Variants in TRAF3 observed in about 807,000 individuals in gnomAD.
TRAF3 encodes TNF receptor associated factor 3.
Under a neutral mutation model 62.3 loss-of-function variants are expected in TRAF3, and 13 were observed. The ratio of observed to expected loss-of-function variants is 0.21; its 90% CI spans 0.14 to 0.33. TRAF3 has a LOEUF of 0.33. Among genes scored for constraint, TRAF3 ranks in the 10% least tolerant of loss-of-function variants. The pLI, the probability that TRAF3 is intolerant of heterozygous loss-of-function variation, is 1.00. For missense variants in TRAF3, 440 were observed against 741.8 expected (o/e 0.59, Z 4.73); for synonymous variants, 269 against 283.4 (o/e 0.95, Z 0.51).
chr14:102,889,079 TATCTC>T (rs1889564683), intron 7 of TRAF3, among the ~76,000 whole-genome samples: 3 of 152,224 alleles, frequency 2.0e-5, no homozygotes, highest in Admixed American at 6.5e-5. Context: ...CATCTGCACT[TATCTC>T]AAGTATTATG....
intron 6 of TRAF3, among the ~76,000 whole-genome samples, chr14:102,877,834 G>A (rs1888802790): frequency 7.0e-6 from 1 of 142,946 alleles, no homozygotes; most frequent in African/African-American, 2.6e-5. Context: ...CCTTCCGCAG[G>A]CCCTCCCTCA....
intron 7 of TRAF3, among the ~76,000 whole-genome samples, chr14:102,887,787 G>C (rs970425061): frequency 1.3e-5 from 2 of 151,862 alleles, no homozygotes; most frequent in African/African-American, 4.8e-5. Flanking sequence ...AGTAGAGACG[G>C]GGTTTCACCT....
chr14:102,799,740 C>T (rs34503276), intron 1 of TRAF3, among the ~76,000 whole-genome samples: 31,272 of 152,136 alleles, frequency 0.21, 3,558 homozygotes, highest in East Asian at 0.38. Context: ...TGAGCCACTG[C>T]TCTTGGCCAA....
chr14:102,879,941 ACT>A (rs1242768793), intron 6 of TRAF3, among the ~76,000 whole-genome samples: 1 of 151,912 alleles, frequency 6.6e-6, no homozygotes, highest in Admixed American at 6.6e-5. Context: ...ACATAGCAAG[ACT>A]CTGCCTCTAC....
chr14:102,823,437 T>C (rs1305996284), intron 1 of TRAF3, among the ~76,000 whole-genome samples: 2 of 152,238 alleles, frequency 1.3e-5, no homozygotes, highest in Non-Finnish European at 2.9e-5. Flanking sequence ...TTTGCACAAA[T>C]ATGTGACTTA....
intron 1 of TRAF3, among the ~76,000 whole-genome samples, chr14:102,814,290 C>T (rs552789063): frequency 4.6e-5 from 7 of 152,232 alleles, no homozygotes; most frequent in East Asian, 3.9e-4. Flanking sequence ...TTTTTATAGA[C>T]ACATACCAGT....
chr14:102,902,470 T>C (rs1425533070), intron 10 of TRAF3, among the ~76,000 whole-genome samples: 1 of 151,932 alleles, frequency 6.6e-6, no homozygotes, highest in African/African-American at 2.4e-5. Context: ...AGCAGCAGGG[T>C]AGGAGGCCTT....
rs1285760188 is a variant in TRAF3, at chr14:102,870,978, T to C, written c.245+532T>C. 2.6e-5 allele frequency among the ~76,000 whole-genome samples: 4 copies of C among 152,226 alleles called. No homozygotes were observed. In the South Asian group the frequency reaches 6.2e-4, roughly 24 times the overall value. The stretch of plus-strand genomic sequence containing the variant: ...CAGTGCTGGTACCGCTGGTGGATCA[T>C]GAAGGCAGGCTGGAGCTTTACTGCA... On this transcript the variant is annotated intron_variant, in intron 3 of 11. Coordinates refer to ENST00000392745, the MANE Select transcript of TRAF3 (RefSeq NM_145725.3).
chr14:102,803,082 C>A (rs1898543151), intron 1 of TRAF3, among the ~76,000 whole-genome samples: 1 of 152,088 alleles, frequency 6.6e-6, no homozygotes, highest in Non-Finnish European at 1.5e-5. Flanking sequence ...CCCCATGATT[C>A]AATTACCTCC....
At chr14:102,809,720 TG>T (rs1363269441) in intron 1 of TRAF3, among the ~76,000 whole-genome samples, 1 of 149,738 alleles carries the variant, frequency 6.7e-6, no homozygotes, top group African/African-American at 2.5e-5. Flanking sequence ...TTAGTAGAGA[TG>T]GGGTTTCACC....
chr14:102,830,778 T>C lies in TRAF3; in HGVS notation c.-18+306T>C, dbSNP rs115552140. Among the ~76,000 whole-genome samples, 791 of 152,306 alleles carry C rather than the reference T, an allele frequency of 5.2e-3. 10 individuals are homozygous for C. Among genetic ancestry groups the C allele is most frequent in the African/African-American group, 0.019 (775 of 41,564 alleles). On this transcript the variant is annotated intron_variant, in intron 2 of 11. Transcript: ENST00000392745. ...TGACATCTCCATTTCTGCCAGGCTG[T>C]GGTATTCTGTGTTCTTACAGAGAAG...
intron 2 of TRAF3, among the ~76,000 whole-genome samples, chr14:102,847,497 C>T (rs959318263): frequency 6.6e-6 from 1 of 152,100 alleles, no homozygotes; most frequent in African/African-American, 2.4e-5. Flanking sequence ...TTTAAAAGCT[C>T]TAAAAATTTT....
At chr14:102,810,755 CTG>C (rs1464997727) in intron 1 of TRAF3, 1 of 152,266 alleles carries the variant, frequency 6.6e-6, no homozygotes, top group Non-Finnish European at 1.5e-5. Flanking sequence ...ATGTCAGTAA[CTG>C]TATTTCACCT....
At chr14:102,836,250 G>C (rs1447936241) in intron 2 of TRAF3, among the ~76,000 whole-genome samples, 1 of 152,228 alleles carries the variant, frequency 6.6e-6, no homozygotes, top group Non-Finnish European at 1.5e-5. Flanking sequence ...CACTCGCTGA[G>C]TCTTTTCTGA....
intron 4 of TRAF3, among the ~76,000 whole-genome samples, chr14:102,874,958 C>T (rs1888563354): frequency 1.3e-5 from 2 of 152,166 alleles, no homozygotes; most frequent in Admixed American, 6.5e-5. Context: ...CGCCCAGCCT[C>T]GTTTTCATTT....
At chr14:102,847,294 C>G (rs1886783546) in intron 2 of TRAF3, among the ~76,000 whole-genome samples, 1 of 152,156 alleles carries the variant, frequency 6.6e-6, no homozygotes, top group Admixed American at 6.5e-5. Context: ...CCTGCCTTAG[C>G]CTCCCAAGTA....
chr14:102,886,302 G>A, intron 7 of TRAF3, 33 bp downstream of exon 7: 1 of 1,578,798 alleles, frequency 6.3e-7, no homozygotes, highest in African/African-American at 1.3e-5. Flanking sequence ...GGGAGTCTGT[G>A]GAGTCCTCAG....
chr14:102,849,437 A>G (rs1886907365), intron 2 of TRAF3, among the ~76,000 whole-genome samples: 1 of 152,266 alleles, frequency 6.6e-6, no homozygotes, highest in Admixed American at 6.5e-5. Flanking sequence ...GTGTCTTTGC[A>G]TATAATAAGG....
At position 102,777,494 on chromosome 14, in the gene TRAF3, C is replaced by G. The variant is rs1470122314; in HGVS notation, c.-338C>G. 7.0e-6 allele frequency: 1 copy of G among 143,838 alleles called. No individual in the cohort carries two copies. The allele number at this position is 143,838 out of a possible 1,614,324, so 8.9% of individuals were successfully genotyped here. A position where few individuals can be genotyped will look rare whatever the true frequency, so the allele number is the denominator to read the frequency against. Reference sequence around the variant, plus strand: ...GAGGGAGCGAGGGAGCGCGGCGCGGCCGCCGCGTGCGCGAGCCGGGGTTGC... The same window carrying G: ...GAGGGAGCGAGGGAGCGCGGCGCGGGCGCCGCGTGCGCGAGCCGGGGTTGC... On this transcript the variant is annotated 5_prime_UTR_variant, in exon 1 of 12. Coordinates refer to ENST00000392745, the MANE Select transcript of TRAF3 (RefSeq NM_145725.3).
Sources: gnomAD v4.1 joint callset for allele counts (sites outside exome capture counted in the v4.1 genomes callset) on GRCh38, gnomAD v4.1.1 for gene constraint, MANE v1.5 for transcripts, NCBI Gene and HGNC (gene_info 2026-07-23, HGNC 2026-07-21) for gene names.